The following WWOX variants were observed in gnomAD, a reference collection of about 807,000 sequenced individuals.
WWOX encodes WW domain-containing oxidoreductase.
WWOX carries 69 observed loss-of-function variants against 46.2 expected under a neutral mutation model. The observed-to-expected ratio is 1.49, with a 90% CI of 1.23 to 1.82. WWOX has a LOEUF of 1.82. Ranked by LOEUF, WWOX falls within the 40% of genes most tolerant of loss-of-function variation. The pLI is 0.00. For synonymous variants in WWOX, 359 were observed against 202.6 expected (o/e 1.77, Z -6.56); for missense variants, 919 against 542.6 (o/e 1.69, Z -6.89).
At chr16:78,892,569 A>G (rs909431831) in intron 8 of WWOX, among the ~76,000 whole-genome samples, 1 of 152,168 alleles carries the variant, frequency 6.6e-6, no homozygotes, top group Non-Finnish European at 1.5e-5. Flanking sequence ...CTTCCTCCAC[A>G]TTTTATCCAA....
chr16:78,896,390 C>G (rs539558673), intron 8 of WWOX: 8 of 152,222 alleles, frequency 5.3e-5, no homozygotes, highest in Non-Finnish European at 1.0e-4. Context: ...ATGGTAATAA[C>G]AAAACCTGGG....
chr16:79,208,764 TGAG>T (rs2051609790), intron 8 of WWOX, among the ~76,000 whole-genome samples: 1 of 152,150 alleles, frequency 6.6e-6, no homozygotes, highest in African/African-American at 2.4e-5. Context: ...GAGCCAAAAA[TGAG>T]AACCTGTTAC....
intron 6 of WWOX, among the ~76,000 whole-genome samples, chr16:78,405,797 C>G (rs1034626132): frequency 1.3e-5 from 2 of 152,056 alleles, no homozygotes; most frequent in African/African-American, 4.8e-5. Context: ...TTATCATTCC[C>G]TTTATAGGGG....
At chr16:78,478,053 G>A (rs903907955) in intron 8 of WWOX, among the ~76,000 whole-genome samples, 5 of 151,976 alleles carry the variant, frequency 3.3e-5, no homozygotes, top group Admixed American at 1.3e-4. Context: ...AGAAATATTC[G>A]TAATCAATAA....
intron 5 of WWOX, among the ~76,000 whole-genome samples, chr16:78,218,640 A>G (rs528313481): frequency 6.6e-6 from 1 of 152,348 alleles, no homozygotes; most frequent in South Asian, 2.1e-4. Context: ...CAAGGTTTTA[A>G]CGTGTTCTCT....
intron 8 of WWOX, among the ~76,000 whole-genome samples, chr16:78,666,890 A>T (rs745412687): frequency 3.9e-5 from 6 of 152,212 alleles, no homozygotes; most frequent in Non-Finnish European, 8.8e-5. Context: ...AAATTCAGAC[A>T]TAAGTCAGAA....
At chr16:78,776,654 T>G (rs766284190) in intron 8 of WWOX, among the ~76,000 whole-genome samples, 8 of 152,024 alleles carry the variant, frequency 5.3e-5, no homozygotes, top group Non-Finnish European at 1.0e-4. Flanking sequence ...TGCCCGAGAT[T>G]GGGAAATTTA....
intron 8 of WWOX, among the ~76,000 whole-genome samples, chr16:78,942,122 C>T (rs936758972): frequency 2.6e-5 from 4 of 152,134 alleles, no homozygotes; most frequent in East Asian, 3.9e-4. Context: ...AACACGGAAG[C>T]GCCCTCCTTT....
intron 8 of WWOX, among the ~76,000 whole-genome samples, chr16:78,648,869 C>A (rs1445838039): frequency 6.6e-6 from 1 of 152,106 alleles, no homozygotes; most frequent in Non-Finnish European, 1.5e-5. Context: ...TATTTGGGTT[C>A]CCTTTGTTTA....
chr16:78,375,792 A>G (rs1175782223), intron 5 of WWOX, among the ~76,000 whole-genome samples: 1 of 152,216 alleles, frequency 6.6e-6, no homozygotes, highest in East Asian at 1.9e-4. Context: ...ACAAAACAAA[A>G]CAAAATTGGA....
chr16:79,142,276 C>A (rs1567578513), intron 8 of WWOX, among the ~76,000 whole-genome samples: 1 of 152,076 alleles, frequency 6.6e-6, no homozygotes, highest in South Asian at 2.1e-4. Flanking sequence ...ACGGGTGCCT[C>A]CAAGCATATA....
At chr16:78,221,692 T>G (rs2036893433) in intron 5 of WWOX, among the ~76,000 whole-genome samples, 1 of 152,218 alleles carries the variant, frequency 6.6e-6, no homozygotes, top group African/African-American at 2.4e-5. Context: ...AAGCCTTGTT[T>G]GATGAAATGC....
chr16:79,151,212 T>A (rs1289696274), intron 8 of WWOX, among the ~76,000 whole-genome samples: 3 of 152,226 alleles, frequency 2.0e-5, no homozygotes, highest in Non-Finnish European at 4.4e-5. Context: ...CAGCCAGCTA[T>A]TCTGATCATT....
intron 5 of WWOX, among the ~76,000 whole-genome samples, chr16:78,248,315 T>G (rs192523585): frequency 3.9e-5 from 6 of 152,214 alleles, no homozygotes; most frequent in Admixed American, 6.5e-5. Flanking sequence ...TGCAAAACAC[T>G]TTTCAACAAC....
At chr16:78,984,620 G>A (rs2046748644) in intron 8 of WWOX, among the ~76,000 whole-genome samples, 1 of 152,216 alleles carries the variant, frequency 6.6e-6, no homozygotes, top group Non-Finnish European at 1.5e-5. Flanking sequence ...ACTCAAGTAA[G>A]TCAATGTTTC....
chr16:78,764,944 C>G (rs1208687137), intron 8 of WWOX, among the ~76,000 whole-genome samples: 2 of 152,090 alleles, frequency 1.3e-5, no homozygotes, highest in African/African-American at 4.8e-5. Flanking sequence ...TTAGGGCATA[C>G]ACATCTGCTT....
intron 8 of WWOX, among the ~76,000 whole-genome samples, chr16:78,720,544 T>TATCATA (rs1307244035): frequency 2.6e-5 from 4 of 152,016 alleles, no homozygotes; most frequent in Non-Finnish European, 5.9e-5. Context: ...CAGGATTTTA[T>TATCATA]ATCATAATGT....
At chr16:78,154,317 G>A (rs991964270) in intron 4 of WWOX, among the ~76,000 whole-genome samples, 1 of 152,012 alleles carries the variant, frequency 6.6e-6, no homozygotes, top group Non-Finnish European at 1.5e-5. Context: ...TACTGTAAAT[G>A]GATAAAATAA....
Position 78,938,802 on chromosome 16 carries a change from G to A in WWOX, c.1057-272806G>A, listed in dbSNP as rs369948246. ...ATTATACCAGATAAAGTGATAGAGA[G>A]GGGCTGGCGAGGAGAGCAGTCTAAT... is the stretch of plus-strand genomic sequence containing the variant. On this transcript the variant is annotated intron_variant, in intron 8 of 8. Transcript: ENST00000566780. 6.9e-4 allele frequency among the ~76,000 whole-genome samples: 105 copies of A among 152,248 alleles called. No individual in the cohort carries two copies. The South Asian group carries it at 0.02, about 28-fold the overall frequency.
Sources: allele counts gnomAD v4.1 joint callset (sites outside exome capture counted in the v4.1 genomes callset), GRCh38; gene constraint gnomAD v4.1.1; transcripts MANE v1.5; gene names NCBI Gene and HGNC (gene_info 2026-07-23, HGNC 2026-07-21).